The following FLNB variants were observed in gnomAD, a reference collection of about 807,000 sequenced individuals.
FLNB encodes filamin B.
FLNB carries 111 observed loss-of-function variants against 250.6 expected under a neutral mutation model. That is an observed-to-expected ratio of 0.44 (90% CI 0.38 to 0.52). The LOEUF is 0.52. Ranked by LOEUF, FLNB falls within the 20% of genes least tolerant of loss-of-function variation. The probability of loss-of-function intolerance (pLI) is 0.00; values close to 1 mark genes in which losing one functional copy is unlikely to be tolerated. For missense variants in FLNB, 2,869 were observed against 3,447.8 expected (o/e 0.83, Z 4.20); for synonymous variants, 1,302 against 1,372.1 (o/e 0.95, Z 1.13).
chr3:58,124,594 G>A (rs2097294528), intron 22 of FLNB, 89 bp downstream of exon 22: 5 of 1,412,336 alleles, frequency 3.5e-6, no homozygotes, highest in Non-Finnish European at 4.9e-6. Context: ...CCTGCCCCAT[G>A]TGCTAGGCCT....
chr3:58,162,099 C>T (rs375020963), intron 42 of FLNB, among the ~76,000 whole-genome samples: 6 of 152,054 alleles, frequency 3.9e-5, no homozygotes, highest in Middle Eastern at 6.3e-3. Context: ...TTAAGGGAGG[C>T]GGATGGGGAC....
intron 11 of FLNB, among the ~76,000 whole-genome samples, chr3:58,105,429 A>G (rs1408053228): frequency 1.3e-5 from 2 of 152,188 alleles, no homozygotes; most frequent in African/African-American, 2.4e-5. Context: ...GAGGGCAGAA[A>G]CCTTATGTGG....
At chr3:58,124,223 T>TTCCAATTTCCAGGAC in intron 21 of FLNB, 109 bp from the exon 22 acceptor site, 1 of 1,113,960 alleles carries the variant, frequency 9.0e-7, no homozygotes, top group Non-Finnish European at 1.4e-6. Flanking sequence ...GTTTTCCAGT[T>TTCCAATTTCCAGGAC]ACTGAAATTG....
At chr3:58,105,254 T>C in intron 11 of FLNB, 38 bp downstream of exon 11, 1 of 1,613,576 alleles carries the variant, frequency 6.2e-7, no homozygotes, top group Non-Finnish European at 8.5e-7. Context: ...TCTGGAGGAC[T>C]GAGGATTACA....
rs116889861 is a variant in FLNB at position 58,147,475 on chromosome 3, T to C, written c.5728+482T>C. On this transcript the variant is annotated intron_variant, in intron 34 of 45. Transcript: ENST00000295956. ...AAAGCCCATGCTCCTCACCTTGCTG[T>C]GTTCAGGTTATGCTTTCAGTGGGTT... Among the ~76,000 whole-genome samples the C allele has an allele frequency of 2.2e-4, 33 of 152,290 alleles. No individual in the cohort carries two copies. In the East Asian group the frequency reaches 5.2e-3, roughly 24 times the overall value.
At chr3:58,125,246 C>A (rs2097295773) in intron 22 of FLNB, among the ~76,000 whole-genome samples, 1 of 152,126 alleles carries the variant, frequency 6.6e-6, no homozygotes, top group Non-Finnish European at 1.5e-5. Flanking sequence ...GATCCTCCTG[C>A]CTCAGCCCCC....
intron 5 of FLNB, among the ~76,000 whole-genome samples, chr3:58,095,305 A>G (rs930418606): frequency 1.3e-5 from 2 of 151,894 alleles, no homozygotes; most frequent in African/African-American, 4.8e-5. Flanking sequence ...CAGTGGCACA[A>G]TCTTGGCTCA....
intron 1 of FLNB, among the ~76,000 whole-genome samples, chr3:58,071,617 G>T (rs2106926585): frequency 6.6e-6 from 1 of 152,282 alleles, no homozygotes; most frequent in South Asian, 2.1e-4. Flanking sequence ...GGCTGTTTCT[G>T]ACTCAGCAGC....
intron 4 of FLNB, among the ~76,000 whole-genome samples, chr3:58,085,476 GTGT>G (rs1018554921): frequency 5.9e-5 from 9 of 152,228 alleles, no homozygotes; most frequent in Non-Finnish European, 2.9e-5. Flanking sequence ...AGATTTGAAA[GTGT>G]TGTTTTATTT....
At position 58,117,462 on chromosome 3, in the gene FLNB, G is replaced by A. The variant is rs560368639; in HGVS notation, c.2746-1410G>A. Among the ~76,000 whole-genome samples, 5 of 152,298 alleles carry A rather than the reference G, an allele frequency of 3.3e-5. No homozygotes were observed. The South Asian group carries it at 1.0e-3, about 32-fold the overall frequency. On this transcript the variant is annotated intron_variant, in intron 18 of 45. Transcript: ENST00000295956. ...GAAGAGGCCAGAAAACTTTATGCGG[G>A]TGAGGGAGGAGGTATCCCCAAGACC... is the stretch of plus-strand genomic sequence containing the variant.
intron 1 of FLNB, among the ~76,000 whole-genome samples, chr3:58,058,248 C>A (rs2097173255): frequency 6.6e-6 from 1 of 152,170 alleles, no homozygotes; most frequent in African/African-American, 2.4e-5. Flanking sequence ...TCTTTCCTCT[C>A]CTGTGTAGGA....
At chr3:58,123,067 T>G (rs2107174492) in intron 20 of FLNB, 26 bp from the exon 21 acceptor site, 2 of 1,600,808 alleles carry the variant, frequency 1.2e-6, no homozygotes, top group South Asian at 2.2e-5. Context: ...CCCAGTGCAG[T>G]TTGACTTTAT....
At chr3:58,085,387 C>T (rs1186364002) in intron 4 of FLNB, among the ~76,000 whole-genome samples, 1 of 152,250 alleles carries the variant, frequency 6.6e-6, no homozygotes, top group Non-Finnish European at 1.5e-5. Context: ...CAGTTTTGGT[C>T]TTCTCTGTGT....
chr3:58,167,622 G>A (rs1027562799), intron 43 of FLNB, among the ~76,000 whole-genome samples: 4 of 152,242 alleles, frequency 2.6e-5, no homozygotes, highest in African/African-American at 9.6e-5. Flanking sequence ...CAGGGCTGCA[G>A]TTAGGGGATC....
At chr3:58,019,049 A>G (rs531770759) in intron 1 of FLNB, among the ~76,000 whole-genome samples, 126 of 151,574 alleles carry the variant, frequency 8.3e-4, no homozygotes, top group African/African-American at 3.0e-3. Context: ...AGTTGGGAGG[A>G]TAGCTTGAGC....
intron 38 of FLNB, among the ~76,000 whole-genome samples, chr3:58,151,714 C>T (rs998522576): frequency 4.6e-5 from 7 of 152,224 alleles, no homozygotes; most frequent in Admixed American, 2.6e-4. Flanking sequence ...GATTCCATTT[C>T]ATGTCTAGAT....
chr3:58,039,556 T>G (rs995678902), intron 1 of FLNB, among the ~76,000 whole-genome samples: 15 of 152,194 alleles, frequency 9.9e-5, no homozygotes, highest in African/African-American at 3.4e-4. Context: ...CATTTCCTAC[T>G]AGACTTGACT....
intron 1 of FLNB, among the ~76,000 whole-genome samples, chr3:58,025,730 A>T (rs1269897694): frequency 6.6e-6 from 1 of 152,222 alleles, no homozygotes; most frequent in Non-Finnish European, 1.5e-5. Flanking sequence ...GTTTGAGACC[A>T]GCCTGGCCAA....
At chr3:58,141,139 A>G (rs1040537964) in intron 29 of FLNB, among the ~76,000 whole-genome samples, 10 of 151,986 alleles carry the variant, frequency 6.6e-5, no homozygotes, top group African/African-American at 9.7e-5. Context: ...TCTAGTCCCA[A>G]CTGCTCAGGA....
Sources: gnomAD v4.1 joint callset for allele counts (sites outside exome capture counted in the v4.1 genomes callset) on GRCh38, gnomAD v4.1.1 for gene constraint, MANE v1.5 for transcripts, NCBI Gene and HGNC (gene_info 2026-07-23, HGNC 2026-07-21) for gene names.